SHB: variants seen among roughly 807,000 people sequenced by gnomAD.
SHB encodes the protein SH2 domain-containing adapter protein B.
In SHB, 20 loss-of-function variants were observed where a neutral mutation model predicts 52.3. The ratio of observed to expected loss-of-function variants is 0.38; its 90% CI spans 0.27 to 0.56. The LOEUF is 0.56. Among genes scored for constraint, SHB ranks in the 20% least tolerant of loss-of-function variants. SHB has a pLI of 0.71. For synonymous variants in SHB, 397 were observed against 316.5 expected, an observed-to-expected ratio of 1.25 and a Z score of -2.70; for missense variants, 825 against 723.3, an observed-to-expected ratio of 1.14 and a Z score of -1.61.
intron 4 of SHB, among the ~76,000 whole-genome samples, chr9:37,955,476 GTATT>G (rs750096777): frequency 7.9e-5 from 12 of 152,094 alleles, no homozygotes; most frequent in Admixed American, 2.0e-4. Context: ...CTCAGTCTGG[GTATT>G]TATTTATTTT....
At chr9:37,940,087 T>C in intron 5 of SHB, among the ~76,000 whole-genome samples, 1 of 152,164 alleles carries the variant, frequency 6.6e-6, no homozygotes, top group Admixed American at 6.5e-5. Context: ...TGGGATCCCG[T>C]AACTTGTCAG....
chr9:38,024,034 G>A (rs921515740), intron 1 of SHB, among the ~76,000 whole-genome samples: 3 of 152,246 alleles, frequency 2.0e-5, no homozygotes, highest in Non-Finnish European at 2.9e-5. Context: ...TGCAACTGCT[G>A]GAAATCAGAC....
At chr9:37,928,860 G>A (rs767166645) in intron 5 of SHB, among the ~76,000 whole-genome samples, 2 of 152,244 alleles carry the variant, frequency 1.3e-5, no homozygotes, top group Non-Finnish European at 2.9e-5. Flanking sequence ...AGTCCCACCT[G>A]AGCAGCACAT....
At chr9:37,942,674 C>T (rs1167735614) in intron 5 of SHB, among the ~76,000 whole-genome samples, 1 of 152,236 alleles carries the variant, frequency 6.6e-6, no homozygotes, top group Non-Finnish European at 1.5e-5. Context: ...CAGGAAGGTG[C>T]AGTACCTTGC....
intron 2 of SHB, among the ~76,000 whole-genome samples, chr9:37,989,612 G>A (rs899059744): frequency 6.6e-6 from 1 of 152,174 alleles, no homozygotes; most frequent in Admixed American, 6.5e-5. Flanking sequence ...CATTTAAGTG[G>A]GGAAACGGGA....
chr9:38,033,352 G>A (rs531990176), intron 1 of SHB, among the ~76,000 whole-genome samples: 3 of 152,260 alleles, frequency 2.0e-5, no homozygotes, highest in African/African-American at 2.4e-5. Flanking sequence ...CAGCCAATTC[G>A]GGGAGGGGGC....
intron 2 of SHB, among the ~76,000 whole-genome samples, chr9:37,998,467 T>C (rs1820976185): frequency 1.3e-5 from 2 of 152,224 alleles, no homozygotes; most frequent in East Asian, 1.9e-4. Context: ...TGTTTATTTA[T>C]TTAAAGACAG....
At chr9:37,974,899 C>A in intron 2 of SHB, 62 bp from the exon 3 acceptor site, 1 of 1,376,418 alleles carries the variant, frequency 7.3e-7, no homozygotes, top group East Asian at 2.3e-5. Context: ...ACCTGCATTC[C>A]CACCCAGAAA....
chr9:38,065,163 G>GGC (rs1254033071), intron 1 of SHB, among the ~76,000 whole-genome samples: 3 of 152,104 alleles, frequency 2.0e-5, no homozygotes, highest in African/African-American at 7.2e-5. Flanking sequence ...ATGAGTGAGG[G>GGC]GCAGAAGGAA....
chr9:37,977,467 G>GGT (rs888811540), intron 2 of SHB, among the ~76,000 whole-genome samples: 2 of 152,190 alleles, frequency 1.3e-5, no homozygotes, highest in African/African-American at 4.8e-5. Flanking sequence ...TCTATGAGAA[G>GGT]GTGTCCCACA....
chr9:38,016,091 T>C lies in SHB; in HGVS notation c.758A>G (p.Lys253Arg), dbSNP rs777928166. ...TCCTGCTTTGCTCTTGAGATCATTC[T>C]TGGCATCAAAGGGATCTGAGTAGTC... ...ADDYSDPFDA[K>R]NDLKSKAGKG... The change falls in exon 2 of 6, where the codon AAG (lysine) becomes AGG (arginine). Residue 253 changes from lysine to arginine, a missense_variant. By Grantham distance (26) the Lys-to-Arg change is conservative. Transcript: ENST00000377707. The C allele has an allele frequency of 1.9e-6, 3 of 1,614,150 alleles. No individual in the cohort carries two copies. The highest frequency in any genetic ancestry group is 1.7e-5 in the Admixed American group (1 of 60,038).
intron 5 of SHB, among the ~76,000 whole-genome samples, chr9:37,931,933 AG>A (rs1832315315): frequency 1.3e-5 from 2 of 152,322 alleles, no homozygotes; most frequent in South Asian, 4.1e-4. Context: ...TTCACCACAC[AG>A]GAATAGGCCT....
chr9:37,952,727 G>A (rs1832580100), intron 4 of SHB, among the ~76,000 whole-genome samples: 1 of 151,974 alleles, frequency 6.6e-6, no homozygotes. Context: ...GCAAAAAAAG[G>A]AATCAAGATG....
intron 2 of SHB, among the ~76,000 whole-genome samples, chr9:38,012,684 C>T (rs1030672946): frequency 6.6e-6 from 1 of 151,544 alleles, no homozygotes; most frequent in African/African-American, 2.4e-5. Flanking sequence ...AGTGACCATC[C>T]CATATCTGCT....
chr9:38,013,902 C>T (rs939763472), intron 2 of SHB, among the ~76,000 whole-genome samples: 3 of 152,152 alleles, frequency 2.0e-5, no homozygotes, highest in Admixed American at 6.5e-5. Context: ...GGAAAGGAGC[C>T]GAACCTCTCA....
At chr9:38,045,808 G>A (rs1045443918) in intron 1 of SHB, among the ~76,000 whole-genome samples, 2 of 152,322 alleles carry the variant, frequency 1.3e-5, no homozygotes, top group East Asian at 3.9e-4. Flanking sequence ...ATTGATTAAA[G>A]ATCTTCTAGC....
chr9:37,932,743 A>G (rs1004909743), intron 5 of SHB, among the ~76,000 whole-genome samples: 11 of 152,138 alleles, frequency 7.2e-5, no homozygotes, highest in African/African-American at 2.7e-4. Flanking sequence ...CCACCCAAGG[A>G]GCTAGGACAA....
intron 1 of SHB, among the ~76,000 whole-genome samples, chr9:38,025,421 A>C (rs950507148): frequency 6.6e-6 from 1 of 152,160 alleles, no homozygotes; most frequent in African/African-American, 2.4e-5. Flanking sequence ...GACACTTACC[A>C]GGGACAGGGA....
intron 4 of SHB, among the ~76,000 whole-genome samples, chr9:37,954,974 A>G (rs1387607182): frequency 6.6e-6 from 1 of 152,114 alleles, no homozygotes; most frequent in African/African-American, 2.4e-5. Context: ...CCTTGGGGGC[A>G]GCATGGATGG....
Sources: allele counts gnomAD v4.1 joint callset (sites outside exome capture counted in the v4.1 genomes callset), GRCh38; gene constraint gnomAD v4.1.1; transcripts MANE v1.5; gene names NCBI Gene and HGNC (gene_info 2026-07-23, HGNC 2026-07-21).